SLC38A9: variants seen among roughly 807,000 people sequenced by gnomAD.
The protein encoded by SLC38A9 is solute carrier family 38 member 9.
In SLC38A9, 48 loss-of-function variants were observed where a neutral mutation model predicts 62.3. That is an observed-to-expected ratio of 0.77 (90% CI 0.61 to 0.98). The LOEUF (loss-of-function observed/expected upper bound fraction) is 0.98, where lower values mean the gene tolerates loss of function less well. Among genes scored for constraint, SLC38A9 ranks in the 50% least tolerant of loss-of-function variants. SLC38A9 has a pLI of 0.00. For missense variants in SLC38A9, 541 were observed against 679.8 expected (o/e 0.80, Z 2.27); for synonymous variants, 204 against 227.7 (o/e 0.90, Z 0.94).
At chr5:55,635,697 C>T (rs1344577941) in intron 12 of SLC38A9, 40 bp from the exon 13 acceptor site, 3 of 1,376,048 alleles carry the variant, frequency 2.2e-6, no homozygotes, top group Non-Finnish European at 3.1e-6. Context: ...ACTGAAGAAC[C>T]TTGTAGTAAG....
intron 10 of SLC38A9, among the ~76,000 whole-genome samples, chr5:55,649,840 TAA>T (rs559899589): frequency 1.9e-3 from 294 of 150,822 alleles, no homozygotes; most frequent in Non-Finnish European, 3.5e-3. Flanking sequence ...AAAAAAAGAA[TAA>T]GAAAAGAAGA....
Position 55,672,673 on chromosome 5 carries a change from T to C in SLC38A9, c.136A>G (p.Asn46Asp), listed in dbSNP as rs968815885. ...ATGACATGATTCACATTCACGATGTTTGTGGGCTCTATACAGAAAGGCCTA... is the reference window on the plus strand; with the variant it reads ...ATGACATGATTCACATTCACGATGTCTGTGGGCTCTATACAGAAAGGCCTA... ...SKRPFCIEPT[N>D]IVNVNHVIQR... The change falls in exon 4 of 16, where the codon AAC (asparagine) becomes GAC (aspartate). Residue 46 changes from asparagine (N) to aspartate (D), a missense_variant. By Grantham distance (23) the Asn-to-Asp change is conservative. Transcript: ENST00000396865. 1.7e-5 allele frequency: 28 copies of C among 1,614,080 alleles called. No homozygotes were observed. Among genetic ancestry groups the C allele is most frequent in the Admixed American group, 1.5e-4 (9 of 60,026 alleles).
At chr5:55,642,429 T>A (rs1049799748) in intron 12 of SLC38A9, among the ~76,000 whole-genome samples, 5 of 152,196 alleles carry the variant, frequency 3.3e-5, no homozygotes, top group Non-Finnish European at 5.9e-5. Flanking sequence ...GACACTTCAA[T>A]AAGATTGTGT....
chr5:55,675,967 G>A (rs1752029604), intron 3 of SLC38A9, among the ~76,000 whole-genome samples: 1 of 152,066 alleles, frequency 6.6e-6, no homozygotes, highest in South Asian at 2.1e-4. Flanking sequence ...ACAAAACCAG[G>A]TACAACTGAA....
At chr5:55,687,075 T>TG (rs1342365169) in intron 3 of SLC38A9, among the ~76,000 whole-genome samples, 2 of 26,484 alleles carry the variant, frequency 7.6e-5, no homozygotes, top group Non-Finnish European at 2.6e-4. Context: ...GTTTTTTTTT[T>TG]TTTTTTTTTT....
At chr5:55,709,901 C>T (rs1022912136) in intron 2 of SLC38A9, among the ~76,000 whole-genome samples, 2 of 151,296 alleles carry the variant, frequency 1.3e-5, no homozygotes, top group African/African-American at 4.8e-5. Context: ...CCCATCTCTA[C>T]CAAAACACAC....
At chr5:55,644,868 T>G (rs1190270279) in intron 12 of SLC38A9, among the ~76,000 whole-genome samples, 2 of 141,260 alleles carry the variant, frequency 1.4e-5, no homozygotes, top group South Asian at 2.6e-4. Flanking sequence ...CCCTCCCCAC[T>G]CCCCCCACCC....
intron 3 of SLC38A9, among the ~76,000 whole-genome samples, chr5:55,677,926 T>TGTGTGTGTGTGTGTGTGTGTA (rs1554062822): frequency 8.9e-6 from 1 of 112,144 alleles, no homozygotes; most frequent in Non-Finnish European, 1.8e-5. Flanking sequence ...TTTTTCTTTA[T>TGTGTGTGTGTGTGTGTGTGTA]TGTGTGTGTG....
rs1580047737 is a variant in SLC38A9 at position 55,627,911 on chromosome 5, T to C, written c.1500A>G (p.Pro500=). The C allele has an allele frequency of 6.2e-7, 1 of 1,611,110 alleles. No individual in the cohort carries two copies. Among genetic ancestry groups the C allele is most frequent in the East Asian group, 2.2e-5 (1 of 44,824 alleles). ...AGTACCTTATGATCCCTCCTATGTT[T>C]GGGTAGAAACAGGCCATGATCACTC... ...GAGVIMACFY[P]NIGGIIRYSG... The change falls in exon 15 of 16, where the codon CCA becomes CCG. Residue 500 remains proline, a synonymous_variant. Transcript: ENST00000396865.
chr5:55,693,442 T>C (rs1355870932), intron 3 of SLC38A9: 3 of 152,204 alleles, frequency 2.0e-5, no homozygotes, highest in Non-Finnish European at 2.9e-5. Context: ...GTAAGAAATT[T>C]TGATTGCTTT....
At chr5:55,644,103 G>C (rs1580130157) in intron 12 of SLC38A9, among the ~76,000 whole-genome samples, 2 of 152,264 alleles carry the variant, frequency 1.3e-5, no homozygotes, top group African/African-American at 4.8e-5. Context: ...TGGGATGACA[G>C]GTGTGCACCA....
intron 12 of SLC38A9, among the ~76,000 whole-genome samples, chr5:55,641,649 C>A (rs1745461720): frequency 1.3e-5 from 2 of 152,158 alleles, no homozygotes; most frequent in Admixed American, 1.3e-4. Flanking sequence ...TTTGACAATT[C>A]CCCATTCAAG....
intron 12 of SLC38A9, among the ~76,000 whole-genome samples, chr5:55,638,628 C>T (rs1354958214): frequency 2.0e-5 from 3 of 152,120 alleles, no homozygotes; most frequent in Admixed American, 1.3e-4. Flanking sequence ...TTCCACGTAC[C>T]GTTCATAGTG....
intron 9 of SLC38A9, among the ~76,000 whole-genome samples, chr5:55,655,235 G>T (rs1267533926): frequency 7.1e-6 from 1 of 141,630 alleles, no homozygotes; most frequent in African/African-American, 2.5e-5. Context: ...ATCAAGAAGT[G>T]CTGGATATAA....
At chr5:55,646,335 C>T (rs1473119001) in intron 11 of SLC38A9, among the ~76,000 whole-genome samples, 1 of 152,060 alleles carries the variant, frequency 6.6e-6, no homozygotes, top group African/African-American at 2.4e-5. Flanking sequence ...CACACCATTA[C>T]ACTGCAGCCT....
chr5:55,628,108 C>A, intron 14 of SLC38A9, 128 bp from the exon 15 acceptor site: 1 of 618,140 alleles, frequency 1.6e-6, no homozygotes, highest in Non-Finnish European at 2.9e-6. Flanking sequence ...TTGATAAAAT[C>A]ACAGCAAAAA....
At position 55,672,971 on chromosome 5, in the gene SLC38A9, A is replaced by C. The variant is rs1751558096; in HGVS notation, c.114-276T>G. Reference sequence around the variant, plus strand: ...GAGAAGACAAAACAGAAAGAACTTAAAACAGTTATTAAAAAGAAATACAGC... The same window carrying C: ...GAGAAGACAAAACAGAAAGAACTTACAACAGTTATTAAAAAGAAATACAGC... On this transcript the variant is annotated intron_variant, in intron 3 of 15. Transcript: ENST00000396865. The C allele has an allele frequency of 1.2e-5, 4 of 341,928 alleles. No homozygotes were observed. The South Asian group carries it at 3.0e-4, about 26-fold the overall frequency. The allele number at this position is 341,928 out of a possible 1,614,324, so 21.2% of individuals were successfully genotyped here.
chr5:55,656,593 C>T (rs1748471286), intron 9 of SLC38A9, 122 bp downstream of exon 9: 2 of 686,554 alleles, frequency 2.9e-6, no homozygotes, highest in Non-Finnish European at 5.1e-6. Flanking sequence ...TTAGTAGCAG[C>T]TCAGTAAACA....
chr5:55,656,249 A>C (rs1405045120), intron 9 of SLC38A9, among the ~76,000 whole-genome samples: 1 of 151,434 alleles, frequency 6.6e-6, no homozygotes, highest in Non-Finnish European at 1.5e-5. Flanking sequence ...TTATTTTTCC[A>C]TATTTAGTTA....
Sources: gnomAD v4.1 joint callset for allele counts (sites outside exome capture counted in the v4.1 genomes callset) on GRCh38, gnomAD v4.1.1 for gene constraint, MANE v1.5 for transcripts, NCBI Gene and HGNC (gene_info 2026-07-23, HGNC 2026-07-21) for gene names.